MASP2: variants seen among roughly 807,000 people sequenced by gnomAD.
The protein encoded by MASP2 is mannan-binding lectin serine protease 2.
In MASP2, 49 loss-of-function variants were observed where a neutral mutation model predicts 57.1. The ratio of observed to expected loss-of-function variants is 0.86; its 90% CI spans 0.68 to 1.09. MASP2 has a LOEUF of 1.09. Ranked by LOEUF, MASP2 falls within the 50% of genes least tolerant of loss-of-function variation. The probability of loss-of-function intolerance (pLI) is 0.00; values close to 1 mark genes in which losing one functional copy is unlikely to be tolerated. For missense variants in MASP2, 900 were observed against 874.8 expected, an observed-to-expected ratio of 1.03 and a Z score of -0.36; for synonymous variants, 379 against 340.8, an observed-to-expected ratio of 1.11 and a Z score of -1.24.
rs770109242 is a variant in MASP2, at chr1:11,045,420, G to T, written c.532C>A (p.Arg178Ser). Reference sequence around the variant, plus strand: ...CAGCCTCCCTCACCTGAGCAGGTGCGCTTGTTACGGTGCAGGACGTAGCCT... The same window carrying T: ...CAGCCTCCCTCACCTGAGCAGGTGCTCTTGTTACGGTGCAGGACGTAGCCT... ...RAGYVLHRNKRTCSALCSGQV... is the reference protein window; with the variant it reads ...RAGYVLHRNKSTCSALCSGQV... Residue 178 changes from arginine to serine, a missense_variant, in exon 4 of 11, where the codon CGC (arginine) becomes AGC (serine). Coordinates refer to ENST00000400897, the MANE Select transcript of MASP2 (RefSeq NM_006610.4). 1.1e-5 allele frequency: 18 copies of T among 1,613,052 alleles called. No homozygotes were observed. The highest frequency in any genetic ancestry group is 1.4e-5 in the Non-Finnish European group (16 of 1,179,948).
chr1:11,045,722 A>G (rs1638618318), intron 3 of MASP2, 183 bp from the exon 4 acceptor site: 1 of 617,886 alleles, frequency 1.6e-6, no homozygotes, highest in African/African-American at 1.8e-5. Context: ...AGCTCCCAGC[A>G]GCGCTGGGAG....
At chr1:11,031,544 AAAG>A (rs1454515172) in intron 8 of MASP2, among the ~76,000 whole-genome samples, 1 of 149,970 alleles carries the variant, frequency 6.7e-6, no homozygotes, top group African/African-American at 2.5e-5. Context: ...AAAAAAAAAA[AAAG>A]GCTGCAGCGG....
rs767305036 is a variant in MASP2 at position 11,030,209 on chromosome 1, T to TG, written c.1263dup (p.Lys422GlnfsTer10). ...CAGACTGGGAGTGATTTTTCTCCTT[T>TG]GGAGCTCGTCCAGAATCCATCAGCC... is the stretch of plus-strand genomic sequence containing the variant. On this transcript the variant is annotated frameshift_variant, in exon 10 of 11. Coordinates refer to ENST00000400897, the MANE Select transcript of MASP2 (RefSeq NM_006610.4). LOFTEE classifies it low-confidence loss of function (END_TRUNC). 2.9e-5 allele frequency: 47 copies of TG among 1,613,634 alleles called. No individual in the cohort carries two copies. Among genetic ancestry groups the TG allele is most frequent in the Admixed American group, 2.3e-4 (14 of 59,846 alleles).
chr1:11,029,215 T>C (rs1467652602), intron 10 of MASP2, among the ~76,000 whole-genome samples: 1 of 151,660 alleles, frequency 6.6e-6, no homozygotes, highest in African/African-American at 2.4e-5. Flanking sequence ...TTGGCCAAGA[T>C]GGTCTCGATC....
intron 9 of MASP2, 29 bp downstream of exon 9, chr1:11,030,719 C>T: frequency 3.8e-6 from 6 of 1,566,426 alleles, no homozygotes; most frequent in South Asian, 2.4e-5. Context: ...CAAGTATTGC[C>T]CACCCCCAAC....
chr1:11,029,085 C>T lies in MASP2; in HGVS notation c.1297+1091G>A, dbSNP rs1403551566. ...TTGGCTCACTGCAAGCTCCACCTCCCGGGTTCACGCCATTCTCTTGCCTCA... is the reference window on the plus strand; with the variant it reads ...TTGGCTCACTGCAAGCTCCACCTCCTGGGTTCACGCCATTCTCTTGCCTCA... On this transcript the variant is annotated intron_variant, in intron 10 of 10. Transcript: ENST00000400897. Among the ~76,000 whole-genome samples the T allele has an allele frequency of 2.2e-4, 34 of 151,196 alleles. 1 individual carries two copies. The highest frequency in any genetic ancestry group is 2.0e-3 in the Admixed American group (31 of 15,168).
In MASP2 at chr1:11,027,662, C is replaced by A; in HGVS notation, c.1298-14G>T. On this transcript the variant is annotated splice_polypyrimidine_tract_variant and intron_variant, in intron 10 of 10. Coordinates refer to ENST00000400897, the MANE Select transcript of MASP2 (RefSeq NM_006610.4). ...ATAGTCCACAAACTGGAGAAAGAAGCAGATAGGTAGAGAGCCTTTGTAAAA... is the reference window on the plus strand; with the variant it reads ...ATAGTCCACAAACTGGAGAAAGAAGAAGATAGGTAGAGAGCCTTTGTAAAA... The A allele has an allele frequency of 6.3e-7, 1 of 1,585,838 alleles. No individual in the cohort carries two copies. The highest frequency in any genetic ancestry group is 1.4e-5 in the African/African-American group (1 of 73,806).
At chr1:11,039,132 C>T (rs1224889451) in intron 6 of MASP2, among the ~76,000 whole-genome samples, 1 of 152,222 alleles carries the variant, frequency 6.6e-6, no homozygotes, top group Non-Finnish European at 1.5e-5. Context: ...GCTCCTAGCC[C>T]CTGTCTGGTG....
At chr1:11,030,414 A>T in intron 9 of MASP2, 164 bp from the exon 10 acceptor site, 1 of 603,802 alleles carries the variant, frequency 1.7e-6, no homozygotes, top group Admixed American at 3.3e-5. Context: ...TCTCTGCATT[A>T]CCATGTTTGC....
Position 11,037,815 on chromosome 1 carries a change from C to A in MASP2, c.890-4G>T, listed in dbSNP as rs878907744. 3 of 1,586,982 alleles carry A rather than the reference C, an allele frequency of 1.9e-6. No individual in the cohort carries two copies. Among genetic ancestry groups the A allele is most frequent in the Non-Finnish European group, 2.6e-6 (3 of 1,162,752 alleles). On this transcript the variant is annotated splice_polypyrimidine_tract_variant and splice_region_variant and intron_variant, in intron 6 of 10. Transcript: ENST00000400897. ...ATCGGATAAGGGCAAGGCTGCGCTG[C>A]GCAGAGGAAACCAGGCTTGTTGGTT... is the stretch of plus-strand genomic sequence containing the variant.
chr1:11,040,271 C>A (rs1333339101), intron 6 of MASP2, among the ~76,000 whole-genome samples: 1 of 151,892 alleles, frequency 6.6e-6, no homozygotes, highest in Non-Finnish European at 1.5e-5. Context: ...GAGATCAAGA[C>A]CATTCTGTCC....
Position 11,027,580 on chromosome 1 carries a change from A to G in MASP2, c.1366T>C (p.Phe456Leu), listed in dbSNP as rs766371958. ...CCTAATATCAGGACTTGCCAAGGAAAATCACCAGGTTTTGCCTTTTGCCCT... is the reference window on the plus strand; with the variant it reads ...CCTAATATCAGGACTTGCCAAGGAAGATCACCAGGTTTTGCCTTTTGCCCT... The part of the protein sequence containing the change: ...YGGQKAKPGD[F>L]PWQVLILGGT... Residue 456 changes from phenylalanine to leucine, a missense_variant, in exon 11 of 11, where the codon TTT becomes CTT. By Grantham distance (22) the Phe-to-Leu change is conservative. Coordinates refer to ENST00000400897, the MANE Select transcript of MASP2 (RefSeq NM_006610.4). 5.6e-6 allele frequency: 9 copies of G among 1,614,174 alleles called. No individual in the cohort carries two copies. The highest frequency in any genetic ancestry group is 1.6e-4 in the Middle Eastern group (1 of 6,062).
intron 10 of MASP2, among the ~76,000 whole-genome samples, chr1:11,028,702 TTTTC>T (rs369414641): frequency 0.7 from 76,547 of 109,304 alleles, 24,678 homozygotes; most frequent in Non-Finnish European, 0.75. Context: ...TCTGGGTTTT[TTTTC>T]TTTTTTTTTT....
rs1233842109 is a variant in MASP2, at chr1:11,030,165, G to A, written c.1297+11C>T. 4.4e-6 allele frequency: 7 copies of A among 1,598,700 alleles called. No homozygotes were observed. The South Asian group carries it at 4.4e-5, about 10-fold the overall frequency. ...TCAATTACCAGTCTCTTGTATAAAT[G>A]TATCCATTACCAGGCTCACAGACTG... On this transcript the variant is annotated intron_variant, in intron 10 of 10. Coordinates refer to ENST00000400897, the MANE Select transcript of MASP2 (RefSeq NM_006610.4).
At chr1:11,045,034 G>T in intron 4 of MASP2, 1 of 1,371,892 alleles carries the variant, frequency 7.3e-7, no homozygotes, top group East Asian at 2.3e-5. Context: ...GCGCCAGCAG[G>T]TGGGGCTGCC....
At chr1:11,036,510 CAAAAAAAAAAAAAAAAAA>C (rs35642467) in intron 7 of MASP2, among the ~76,000 whole-genome samples, 9 of 54,330 alleles carry the variant, frequency 1.7e-4, no homozygotes, top group Non-Finnish European at 2.6e-4. Flanking sequence ...GACTCCGTCT[CAAAAAAAAAAAAAAAAAA>C]AAAAAAAAAC....
rs769042852 is a variant in MASP2, at chr1:11,034,833, C to T, written c.1082G>A (p.Cys361Tyr). Residue 361 changes from cysteine to tyrosine, a missense_variant, in exon 8 of 11, where the codon TGC becomes TAC. Cys to Tyr is a radical substitution (Grantham distance 194, BLOSUM62 -2). Transcript: ENST00000400897. ...DGSWDRPMPA[C>Y]SIVDCGPPDD... ...TAGTCACCACACGACCGTACTGCTG[C>T]ACGCGGGCATTGGCCGGTCCCAAGA... 6.2e-7 allele frequency: 1 copy of T among 1,611,530 alleles called. No individual in the cohort carries two copies. The highest frequency in any genetic ancestry group is 8.5e-7 in the Non-Finnish European group (1 of 1,178,828).
At chr1:11,036,528 A>AC (rs1557670931) in intron 7 of MASP2, among the ~76,000 whole-genome samples, 15 of 141,650 alleles carry the variant, frequency 1.1e-4, no homozygotes, top group African/African-American at 4.3e-4. Flanking sequence ...AAAAAAAAAA[A>AC]AAAAAAAAAC....
intron 7 of MASP2, among the ~76,000 whole-genome samples, chr1:11,036,015 G>GA (rs1643883650): frequency 6.6e-6 from 1 of 152,074 alleles, no homozygotes; most frequent in Non-Finnish European, 1.5e-5. Context: ...GCTGGAGGAG[G>GA]GCTACTAAGA....
Sources: gnomAD v4.1 joint callset for allele counts (sites outside exome capture counted in the v4.1 genomes callset) on GRCh38, gnomAD v4.1.1 for gene constraint, MANE v1.5 for transcripts, NCBI Gene and HGNC (gene_info 2026-07-23, HGNC 2026-07-21) for gene names.